The following JMJD1C variants were observed in gnomAD, a reference collection of about 807,000 sequenced individuals.
JMJD1C encodes the protein jumonji domain containing 1C.
JMJD1C carries 31 observed loss-of-function variants against 245.3 expected under a neutral mutation model. The observed-to-expected ratio is 0.13, with a 90% CI of 0.09 to 0.17. JMJD1C has a LOEUF of 0.17. Among genes scored for constraint, JMJD1C ranks in the 10% least tolerant of loss-of-function variants. The pLI, the probability that JMJD1C is intolerant of heterozygous loss-of-function variation, is 1.00. For synonymous variants in JMJD1C, 1,057 were observed against 1,017.4 expected (o/e 1.04, Z -0.74); for missense variants, 2,691 against 3,000.2 (o/e 0.90, Z 2.41).
intron 3 of JMJD1C, among the ~76,000 whole-genome samples, chr10:63,259,621 G>C (rs527825524): frequency 1.2e-4 from 19 of 152,266 alleles, no homozygotes; most frequent in African/African-American, 4.3e-4. Context: ...AACTATCATT[G>C]AAAGACTACA....
chr10:63,501,803 A>G (rs747915369), intron 1 of JMJD1C, among the ~76,000 whole-genome samples: 3 of 152,112 alleles, frequency 2.0e-5, no homozygotes, highest in African/African-American at 7.2e-5. Context: ...CAAAACAAAA[A>G]AAGAATACTA....
chr10:63,420,121 G>A (rs1348768574), intron 1 of JMJD1C, among the ~76,000 whole-genome samples: 1 of 149,902 alleles, frequency 6.7e-6, no homozygotes, highest in African/African-American at 2.4e-5. Flanking sequence ...GGGCAACAGA[G>A]GAGACGCTGT....
At chr10:63,284,049 G>A (rs544996895) in intron 2 of JMJD1C, among the ~76,000 whole-genome samples, 8 of 151,396 alleles carry the variant, frequency 5.3e-5, no homozygotes, top group Non-Finnish European at 7.4e-5. Flanking sequence ...GAGGGGGGAC[G>A]GAGTCTCGCT....
At chr10:63,249,799 G>A (rs1399287454) in intron 3 of JMJD1C, among the ~76,000 whole-genome samples, 4 of 151,628 alleles carry the variant, frequency 2.6e-5, no homozygotes, top group Admixed American at 6.6e-5. Flanking sequence ...GGCAGAGTTC[G>A]CACTGGGCCA....
chr10:63,468,734 C>CTT (rs1430268749), upstream of JMJD1C, among the ~76,000 whole-genome samples: 2 of 151,720 alleles, frequency 1.3e-5, no homozygotes, highest in Non-Finnish European at 2.9e-5. Context: ...TCAAGCAAAC[C>CTT]TCCTACATCA....
At position 63,226,277 on chromosome 10, in the gene JMJD1C, T is replaced by C. The variant is rs1051469233; in HGVS notation, c.448-6294A>G. Among the ~76,000 whole-genome samples, 3 of 152,222 alleles carry C rather than the reference T, an allele frequency of 2.0e-5. No individual in the cohort carries two copies. In the South Asian group the frequency reaches 6.2e-4, roughly 31 times the overall value. ...CTCATGCAATCTTATAATCAGAAAG[T>C]GTAAAAGAGAAGAAACCTCACTTTG... On this transcript the variant is annotated intron_variant, in intron 3 of 25. Coordinates refer to ENST00000399262, the MANE Select transcript of JMJD1C (RefSeq NM_032776.3).
intron 10 of JMJD1C, chr10:63,203,133 C>T (rs1441122227): frequency 4.4e-5 from 43 of 984,766 alleles, no homozygotes; most frequent in Middle Eastern, 5.2e-4. Context: ...CCAATTCATA[C>T]GTAGAGCTTT....
At chr10:63,452,765 C>T (rs1952150517) in intron 1 of JMJD1C, among the ~76,000 whole-genome samples, 1 of 152,004 alleles carries the variant, frequency 6.6e-6, no homozygotes, top group South Asian at 2.1e-4. Flanking sequence ...ATGATACTTG[C>T]TACAACACAG....
At chr10:63,460,652 A>C (rs899876973) in intron 1 of JMJD1C, among the ~76,000 whole-genome samples, 3 of 152,234 alleles carry the variant, frequency 2.0e-5, no homozygotes, top group African/African-American at 7.2e-5. Flanking sequence ...GGTACTAAAT[A>C]TGTGAAGATG....
At position 63,364,062 on chromosome 10, in the gene JMJD1C, A is replaced by C. The variant is rs539334688; in HGVS notation, c.333+16256T>G. 2.6e-5 allele frequency among the ~76,000 whole-genome samples: 4 copies of C among 152,054 alleles called. No individual in the cohort carries two copies. The East Asian group carries it at 7.8e-4, about 30-fold the overall frequency. On this transcript the variant is annotated intron_variant, in intron 2 of 25. Coordinates refer to ENST00000399262, the MANE Select transcript of JMJD1C (RefSeq NM_032776.3). The stretch of plus-strand genomic sequence containing the variant: ...TTTTTTTACGTAGAGACTGGGTTTC[A>C]CCATATTAGCCAGGCTGGTCCTCAA...
At chr10:63,249,810 A>G (rs1852800294) in intron 3 of JMJD1C, among the ~76,000 whole-genome samples, 1 of 152,128 alleles carries the variant, frequency 6.6e-6, no homozygotes, top group African/African-American at 2.4e-5. Context: ...CACTGGGCCA[A>G]GATTGCACCA....
chr10:63,212,714 A>G (rs1847509086), intron 8 of JMJD1C, among the ~76,000 whole-genome samples: 1 of 152,138 alleles, frequency 6.6e-6, no homozygotes, highest in Admixed American at 6.5e-5. Context: ...TGGAGAATAT[A>G]ACAATTTGTT....
intron 1 of JMJD1C, among the ~76,000 whole-genome samples, chr10:63,422,365 C>T (rs1950174909): frequency 6.6e-6 from 1 of 152,172 alleles, no homozygotes; most frequent in Non-Finnish European, 1.5e-5. Context: ...GAGCCAACTG[C>T]ACTCCAGCCT....
Position 63,214,839 on chromosome 10 carries a change from T to C in JMJD1C, c.1328A>G (p.His443Arg), listed in dbSNP as rs768221341. 4 of 1,610,116 alleles carry C rather than the reference T, an allele frequency of 2.5e-6. No homozygotes were observed. Among genetic ancestry groups the C allele is most frequent in the East Asian group, 2.2e-5 (1 of 44,870 alleles). The change falls in exon 8 of 26, where the codon CAT (histidine) becomes CGT (arginine). Residue 443 changes from histidine to arginine, a missense_variant. This residue lies in a region of JMJD1C where 1,562 missense variants were observed against 1,490.7 expected (regional missense o/e 1.05). Transcript: ENST00000399262. ...PWDQIQEDKK[H>R]EEAEKRKSVD... is the part of the protein sequence containing the mutation. ...AGACTTCCGCTTCTCTGCTTCTTCA[T>C]GTTTTTTATCTTCCTGTATTTGATC...
chr10:63,492,605 C>T (rs879454130), intron 1 of JMJD1C, among the ~76,000 whole-genome samples: 4 of 152,098 alleles, frequency 2.6e-5, no homozygotes, highest in Non-Finnish European at 2.9e-5. Flanking sequence ...ACCCAGGAGA[C>T]AGAGGTGGCA....
chr10:63,335,605 G>A (rs1003168920), intron 2 of JMJD1C, among the ~76,000 whole-genome samples: 4 of 152,048 alleles, frequency 2.6e-5, no homozygotes, highest in African/African-American at 9.7e-5. Context: ...TCCGCCTCCA[G>A]GGTTCAAGCC....
chr10:63,304,117 T>C (rs1227800004), intron 2 of JMJD1C, among the ~76,000 whole-genome samples: 4 of 152,220 alleles, frequency 2.6e-5, no homozygotes, highest in African/African-American at 9.7e-5. Context: ...AGTATCTTTC[T>C]ATCAGAGTAT....
chr10:63,206,694 T>C lies in JMJD1C; in HGVS notation c.4975A>G (p.Lys1659Glu). The change falls in exon 10 of 26, where the codon AAG (lysine) becomes GAG (glutamate). Residue 1659 changes from lysine (K) to glutamate (E), a missense_variant. By Grantham distance (56) the Lys-to-Glu change is moderately conservative. This residue lies in a region of JMJD1C where 144 missense variants were observed against 143.3 expected (regional missense o/e 1.00). Coordinates refer to ENST00000399262, the MANE Select transcript of JMJD1C (RefSeq NM_032776.3). ...TCTTCTTCTATTTCACCTTTTCTCT[T>C]TTGCAAATCATTTTGCTTCTTTTTG... is the stretch of plus-strand genomic sequence containing the variant. ...TYKKKQNDLQ[K>E]RKGEIEEDLK... is the part of the protein sequence containing the mutation. 1 of 1,613,908 alleles carries C rather than the reference T, an allele frequency of 6.2e-7. No homozygotes were observed. Among genetic ancestry groups the C allele is most frequent in the Non-Finnish European group, 8.5e-7 (1 of 1,179,940 alleles).
At chr10:63,223,024 T>TA (rs1376043920) in intron 3 of JMJD1C, 3 of 1,309,502 alleles carry the variant, frequency 2.3e-6, no homozygotes, top group African/African-American at 1.6e-5. Flanking sequence ...ACAATACTAT[T>TA]AAAGTATTTT....
Sources: gnomAD v4.1 joint callset for allele counts (sites outside exome capture counted in the v4.1 genomes callset) on GRCh38, gnomAD v4.1.1 for gene constraint, gnomAD v4.1.1 regional missense constraint, MANE v1.5 for transcripts, NCBI Gene and HGNC (gene_info 2026-07-23, HGNC 2026-07-21) for gene names.